The following PKNOX2 variants were observed in gnomAD, a reference collection of about 807,000 sequenced individuals.
The protein encoded by PKNOX2 is homeobox protein PKNOX2.
A neutral mutation model predicts 53.1 loss-of-function variants in PKNOX2; 14 were observed. The observed-to-expected ratio is 0.26, with a 90% CI of 0.17 to 0.41. The LOEUF is 0.41. PKNOX2 is among the 10% of genes least tolerant of loss of function. The probability of loss-of-function intolerance (pLI) is 1.00; values close to 1 mark genes in which losing one functional copy is unlikely to be tolerated. For synonymous variants in PKNOX2, 257 were observed against 242.8 expected (o/e 1.06, Z -0.54); for missense variants, 496 against 602.8 (o/e 0.82, Z 1.85).
chr11:125,311,016 G>T (rs1411573108), intron 2 of PKNOX2, among the ~76,000 whole-genome samples: 4 of 152,032 alleles, frequency 2.6e-5, no homozygotes, highest in Non-Finnish European at 5.9e-5. Flanking sequence ...GAGAGAATGT[G>T]TGTGGTATGG....
chr11:125,274,143 A>C (rs1195885663), intron 2 of PKNOX2, among the ~76,000 whole-genome samples: 1 of 152,194 alleles, frequency 6.6e-6, no homozygotes, highest in Non-Finnish European at 1.5e-5. Flanking sequence ...ATTTACTTTT[A>C]TACCAATGCT....
chr11:125,202,058 C>T (rs780332853), intron 1 of PKNOX2, among the ~76,000 whole-genome samples: 21 of 152,168 alleles, frequency 1.4e-4, no homozygotes, highest in Admixed American at 8.5e-4. Context: ...ACAGAGGGTC[C>T]GTGCGGCTGG....
At chr11:125,183,042 G>A (rs573795933) in intron 1 of PKNOX2, among the ~76,000 whole-genome samples, 36 of 152,226 alleles carry the variant, frequency 2.4e-4, no homozygotes, top group African/African-American at 6.7e-4. Flanking sequence ...GGACCTTGAC[G>A]CCCAGGGAGG....
At chr11:125,419,998 C>T (rs1323014638) in intron 10 of PKNOX2, among the ~76,000 whole-genome samples, 6 of 150,614 alleles carry the variant, frequency 4.0e-5, no homozygotes, top group African/African-American at 9.8e-5. Flanking sequence ...CCAGCCTGGG[C>T]AACATGGCAA....
intron 1 of PKNOX2, among the ~76,000 whole-genome samples, chr11:125,231,893 A>G (rs1462287467): frequency 2.0e-5 from 3 of 152,210 alleles, no homozygotes; most frequent in African/African-American, 7.2e-5. Flanking sequence ...GTTTGTCAAC[A>G]CTATCAGCCT....
intron 1 of PKNOX2, among the ~76,000 whole-genome samples, chr11:125,229,259 G>A (rs566387761): frequency 3.3e-5 from 5 of 152,228 alleles, no homozygotes; most frequent in Admixed American, 2.0e-4. Flanking sequence ...GTCTGGCCCC[G>A]TGACGGGGGA....
intron 1 of PKNOX2, among the ~76,000 whole-genome samples, chr11:125,197,827 G>A (rs1290462198): frequency 6.6e-6 from 1 of 152,200 alleles, no homozygotes; most frequent in South Asian, 2.1e-4. Context: ...CTCAGGGTGG[G>A]TCATCTCGGT....
rs183959845 is a variant in PKNOX2 at position 125,395,624 on chromosome 11, G to C, written c.400-2250G>C. Reference sequence around the variant, plus strand: ...TTCTTTTATTTTAACCATACCAATAGGTGTGTAGTGATATCTCATTGTGGT... The same window carrying C: ...TTCTTTTATTTTAACCATACCAATACGTGTGTAGTGATATCTCATTGTGGT... On this transcript the variant is annotated intron_variant, in intron 6 of 12. Transcript: ENST00000298282. 1.9e-3 allele frequency among the ~76,000 whole-genome samples: 293 copies of C among 152,254 alleles called. 1 individual carries two copies. The highest frequency in any genetic ancestry group is 3.5e-3 in the Non-Finnish European group (236 of 68,012).
At position 125,313,139 on chromosome 11, in the gene PKNOX2, A is replaced by G. The variant is rs1014798708; in HGVS notation, c.-129-18680A>G. Among the ~76,000 whole-genome samples, 4 of 152,132 alleles carry G rather than the reference A, an allele frequency of 2.6e-5. No individual in the cohort carries two copies. The East Asian group carries it at 5.8e-4, about 22-fold the overall frequency. On this transcript the variant is annotated intron_variant, in intron 2 of 12. Transcript: ENST00000298282. ...ACTATCTGTGTGTCTTTGAAAGTAG[A>G]AGGTGAAAGAAGGGAGAAAGGGGAA... is the stretch of plus-strand genomic sequence containing the variant.
intron 10 of PKNOX2, among the ~76,000 whole-genome samples, chr11:125,421,789 C>T (rs1030478135): frequency 1.3e-5 from 2 of 152,238 alleles, no homozygotes; most frequent in Admixed American, 6.5e-5. Context: ...TGCTTACGCC[C>T]GGAGACCAGC....
intron 6 of PKNOX2, among the ~76,000 whole-genome samples, chr11:125,394,651 G>A (rs1340206420): frequency 6.6e-6 from 1 of 152,118 alleles, no homozygotes; most frequent in Non-Finnish European, 1.5e-5. Flanking sequence ...TTCCTTCCTT[G>A]TTTCCATCCC....
chr11:125,280,119 T>TA (rs1946451018), intron 2 of PKNOX2, among the ~76,000 whole-genome samples: 1 of 145,616 alleles, frequency 6.9e-6, no homozygotes, highest in African/African-American at 2.7e-5. Flanking sequence ...TTTTTTTTTT[T>TA]AACCAGCATG....
At chr11:125,323,899 G>A (rs1949674110) in intron 2 of PKNOX2, among the ~76,000 whole-genome samples, 4 of 152,076 alleles carry the variant, frequency 2.6e-5, no homozygotes, top group African/African-American at 9.7e-5. Flanking sequence ...CTTTGTGACT[G>A]TGTAGATCAA....
intron 2 of PKNOX2, among the ~76,000 whole-genome samples, chr11:125,293,811 A>ACACG (rs1322977215): frequency 3.7e-5 from 5 of 136,350 alleles, no homozygotes; most frequent in African/African-American, 1.1e-4. Context: ...GCTCACACAC[A>ACACG]CTCACACACA....
chr11:125,197,562 C>T (rs1937873142), intron 1 of PKNOX2, among the ~76,000 whole-genome samples: 1 of 152,206 alleles, frequency 6.6e-6, no homozygotes, highest in Non-Finnish European at 1.5e-5. Context: ...TGTCAAGGCT[C>T]TCCTGGGGCC....
At chr11:125,309,965 A>G (rs1428429298) in intron 2 of PKNOX2, among the ~76,000 whole-genome samples, 2 of 152,150 alleles carry the variant, frequency 1.3e-5, no homozygotes, top group African/African-American at 2.4e-5. Context: ...TCACTCACCT[A>G]GCTAAAAACT....
intron 2 of PKNOX2, among the ~76,000 whole-genome samples, chr11:125,261,837 T>A (rs1025679613): frequency 7.9e-5 from 12 of 152,166 alleles, no homozygotes; most frequent in Non-Finnish European, 1.6e-4. Flanking sequence ...AAAAAGGTGG[T>A]GTAAGTGCAA....
At chr11:125,300,672 T>G (rs1038498421) in intron 2 of PKNOX2, among the ~76,000 whole-genome samples, 1 of 147,756 alleles carries the variant, frequency 6.8e-6, no homozygotes, top group African/African-American at 2.5e-5. Flanking sequence ...AGAGAGAGAG[T>G]CGGGTGCAGG....
chr11:125,400,514 T>C (rs1954682438), intron 7 of PKNOX2, among the ~76,000 whole-genome samples: 1 of 152,158 alleles, frequency 6.6e-6, no homozygotes, highest in Admixed American at 6.5e-5. Flanking sequence ...CCACCTGACA[T>C]TCAAGGCCCT....
Sources: gnomAD v4.1 joint callset for allele counts (sites outside exome capture counted in the v4.1 genomes callset) on GRCh38, gnomAD v4.1.1 for gene constraint, MANE v1.5 for transcripts, NCBI Gene and HGNC (gene_info 2026-07-23, HGNC 2026-07-21) for gene names.